EXOSC10: variants seen among roughly 807,000 people sequenced by gnomAD.
EXOSC10 encodes the protein exosome complex component 10.
In EXOSC10, 94 loss-of-function variants were observed where a neutral mutation model predicts 126.6. The observed-to-expected ratio is 0.74, with a 90% CI of 0.63 to 0.88. The LOEUF (loss-of-function observed/expected upper bound fraction) is 0.88. Among genes scored for constraint, EXOSC10 ranks in the 40% least tolerant of loss-of-function variants. The pLI, the probability that EXOSC10 is intolerant of heterozygous loss-of-function variation, is 0.00. For synonymous variants in EXOSC10, 395 were observed against 400.8 expected (o/e 0.99, Z 0.17); for missense variants, 1,041 against 1,100.5 (o/e 0.95, Z 0.77).
rs1194821 is a variant in EXOSC10 at position 11,084,001 on chromosome 1, A to C, written c.1090-1123T>G. On this transcript the variant is annotated intron_variant, in intron 9 of 24. Coordinates refer to ENST00000376936, the MANE Select transcript of EXOSC10 (RefSeq NM_001001998.3). ...CGTAGTATTCCATGGTGTATATGTG[A>C]CACATTTTCTTAATCCAGTCTATCA... 7.9e-3 allele frequency among the ~76,000 whole-genome samples: 1,209 copies of C among 152,242 alleles called. 24 individuals carry two copies. Among genetic ancestry groups the C allele is most frequent in the African/African-American group, 0.028 (1,143 of 41,528 alleles).
intron 2 of EXOSC10, among the ~76,000 whole-genome samples, chr1:11,096,765 C>T (rs536475985): frequency 4.4e-4 from 67 of 152,230 alleles, no homozygotes; most frequent in Admixed American, 1.3e-3. Context: ...AGGCATGAGC[C>T]GCCATGTCTG....
At chr1:11,097,640 A>C (rs1273385369) in intron 2 of EXOSC10, among the ~76,000 whole-genome samples, 1 of 147,770 alleles carries the variant, frequency 6.8e-6, no homozygotes, top group East Asian at 2.1e-4. Flanking sequence ...GCAGGAGAAT[A>C]GCGTGAACCT....
At chr1:11,093,673 G>A (rs1640915334) in intron 3 of EXOSC10, among the ~76,000 whole-genome samples, 1 of 152,188 alleles carries the variant, frequency 6.6e-6, no homozygotes, top group Non-Finnish European at 1.5e-5. Flanking sequence ...TTCCAATCCT[G>A]TGAGCTGGAG....
intron 23 of EXOSC10, 119 bp downstream of exon 23, chr1:11,068,526 A>C: frequency 1.3e-6 from 1 of 782,426 alleles, no homozygotes; most frequent in East Asian, 2.5e-5. Context: ...GGAAGAAATG[A>C]GGTGAGGAAA....
intron 19 of EXOSC10, among the ~76,000 whole-genome samples, 194 bp downstream of exon 19, chr1:11,073,740 G>C (rs1030626097): frequency 6.6e-6 from 1 of 151,798 alleles, no homozygotes; most frequent in African/African-American, 2.4e-5. Context: ...AATTAGCCGG[G>C]CATGACAGCA....
At chr1:11,077,739 A>G in intron 14 of EXOSC10, 88 bp from the exon 15 acceptor site, 1 of 1,137,732 alleles carries the variant, frequency 8.8e-7, no homozygotes, top group South Asian at 1.5e-5. Flanking sequence ...GTATTCCTTC[A>G]CCAGCCTGTT....
chr1:11,071,112 C>T, intron 20 of EXOSC10, 139 bp from the exon 21 acceptor site: 1 of 701,328 alleles, frequency 1.4e-6, no homozygotes, highest in Middle Eastern at 4.0e-4. Flanking sequence ...CCCGGTCCCC[C>T]ATCTCTGCAG....
At chr1:11,099,697 A>AC (rs922798146) in intron 1 of EXOSC10, 24 bp downstream of exon 1, 2 of 1,577,930 alleles carry the variant, frequency 1.3e-6, no homozygotes, top group African/African-American at 1.4e-5. Flanking sequence ...GACTCCTGGT[A>AC]CCCCCGAGGC....
intron 13 of EXOSC10, 38 bp from the exon 14 acceptor site, chr1:11,079,860 G>A: frequency 6.6e-7 from 1 of 1,517,304 alleles, no homozygotes; most frequent in Non-Finnish European, 9.1e-7. Context: ...TTGTCACTCA[G>A]AAACGCAGCC....
chr1:11,074,760 T>C (rs551195947), intron 17 of EXOSC10, among the ~76,000 whole-genome samples: 2 of 152,242 alleles, frequency 1.3e-5, no homozygotes, highest in East Asian at 3.9e-4. Flanking sequence ...TAATTTTTCA[T>C]ACACTCTCTT....
At chr1:11,096,494 A>T (rs1641102874) in intron 2 of EXOSC10, among the ~76,000 whole-genome samples, 1 of 130,182 alleles carries the variant, frequency 7.7e-6, no homozygotes. Flanking sequence ...TTTTTTTTAA[A>T]GAGACAGGGT....
At chr1:11,093,682 A>G (rs72871414) in intron 3 of EXOSC10, among the ~76,000 whole-genome samples, 10,971 of 152,190 alleles carry the variant, frequency 0.072, 618 homozygotes, top group East Asian at 0.15. Flanking sequence ...TGTGAGCTGG[A>G]GGGGGTTCAG....
chr1:11,074,470 T>G, intron 17 of EXOSC10, 144 bp from the exon 18 acceptor site: 3 of 596,594 alleles, frequency 5.0e-6, no homozygotes, highest in Non-Finnish European at 9.0e-6. Flanking sequence ...TGGAGTACAG[T>G]GGTGTGATCT....
At chr1:11,068,621 A>C in intron 23 of EXOSC10, 24 bp downstream of exon 23, 3 of 1,608,112 alleles carry the variant, frequency 1.9e-6, no homozygotes, top group Non-Finnish European at 1.7e-6. Flanking sequence ...CAGCGTGCTA[A>C]AATCCTCCAG....
chr1:11,071,086 TC>T, intron 20 of EXOSC10, 113 bp from the exon 21 acceptor site: 1 of 882,980 alleles, frequency 1.1e-6, no homozygotes, highest in Non-Finnish European at 1.8e-6. Context: ...GGCTGATTCC[TC>T]CTCCCTCTCA....
At chr1:11,094,949 C>A (rs376964536) in intron 3 of EXOSC10, among the ~76,000 whole-genome samples, 1 of 151,974 alleles carries the variant, frequency 6.6e-6, no homozygotes, top group South Asian at 2.1e-4. Flanking sequence ...AGGTGGCTCA[C>A]GCCTGTAATC....
rs1557696620 is a variant in EXOSC10 at position 11,073,987 on chromosome 1, G to A, written c.2104C>T (p.Arg702Cys). ...TTCGCTGCCTGAGAGACGGGAGCAC[G>A]GTGTCCCAGTGAGGGCAGAAACTGG... Reference protein sequence around the residue: ...FRMFLPSLGHRAPVSQAAKFD... With the variant: ...FRMFLPSLGHCAPVSQAAKFD... Residue 702 changes from arginine to cysteine, a missense_variant, in exon 19 of 25, where the codon CGT (arginine) becomes TGT (cysteine). Physicochemically the swap from Arg to Cys is radical, Grantham distance 180. This residue lies in a region of EXOSC10 where 388 missense variants were observed against 415.2 expected (regional missense o/e 0.93). Coordinates refer to ENST00000376936, the MANE Select transcript of EXOSC10 (RefSeq NM_001001998.3). 1.4e-5 allele frequency: 23 copies of A among 1,613,818 alleles called. No individual in the cohort carries two copies. The highest frequency in any genetic ancestry group is 2.7e-5 in the African/African-American group (2 of 74,980).
In EXOSC10 at chr1:11,088,293, G is replaced by A. The variant is rs1211093967; in HGVS notation, c.759-95C>T. The A allele has an allele frequency of 7.5e-6, 6 of 800,788 alleles. No individual in the cohort carries two copies. The Admixed American group carries it at 8.4e-5, about 11-fold the overall frequency. 49.6% of individuals were successfully genotyped at this position (800,788 alleles called of 1,614,324 possible). ...TTATCCAATCTGTAAAAACAAATGA[G>A]AAAAGACCACTGTGAAAATATCTTC... On this transcript the variant is annotated intron_variant, in intron 6 of 24. Coordinates refer to ENST00000376936, the MANE Select transcript of EXOSC10 (RefSeq NM_001001998.3).
At chr1:11,087,732 T>A in intron 8 of EXOSC10, 68 bp downstream of exon 8, 1 of 1,484,566 alleles carries the variant, frequency 6.7e-7, no homozygotes, top group Non-Finnish European at 9.2e-7. Flanking sequence ...GTATTAATTT[T>A]ATACTTCTCC....
Sources: allele counts gnomAD v4.1 joint callset (sites outside exome capture counted in the v4.1 genomes callset), GRCh38; gene constraint gnomAD v4.1.1; regional missense constraint gnomAD v4.1.1; transcripts MANE v1.5; gene names NCBI Gene and HGNC (gene_info 2026-07-23, HGNC 2026-07-21).